MRTFA: variants seen among roughly 807,000 people sequenced by gnomAD.
MRTFA encodes myocardin-related transcription factor A.
A neutral mutation model predicts 83.5 loss-of-function variants in MRTFA; 20 were observed. The ratio of observed to expected loss-of-function variants is 0.24; its 90% CI spans 0.17 to 0.35. The LOEUF (loss-of-function observed/expected upper bound fraction) is 0.35, where lower values mean the gene tolerates loss of function less well. MRTFA is among the 10% of genes least tolerant of loss of function. The pLI is 1.00. For missense variants in MRTFA, 1,200 were observed against 1,224.7 expected, an observed-to-expected ratio of 0.98 and a Z score of 0.30; for synonymous variants, 659 against 541.2, an observed-to-expected ratio of 1.22 and a Z score of -3.02.
chr22:40,491,731 C>T (rs1309509745), intron 3 of MRTFA, among the ~76,000 whole-genome samples: 4 of 152,000 alleles, frequency 2.6e-5, no homozygotes, highest in Non-Finnish European at 5.9e-5. Flanking sequence ...GAGCTCTGCA[C>T]GGTGGGGAAA....
Position 40,421,089 on chromosome 22 carries a change from G to C in MRTFA, c.939C>G (p.Pro313=). The change falls in exon 10 of 15, where the codon CCC becomes CCG. Residue 313 remains proline, a synonymous_variant. Coordinates refer to ENST00000355630, the MANE Select transcript of MRTFA (RefSeq NM_020831.6). ...GCTGTGACTTCTCACTGGCAGACTT[G>C]GGTTGGCTTTGCTGAGGGCACAGGA... 1 of 1,533,526 alleles carries C rather than the reference G, an allele frequency of 6.5e-7. No homozygotes were observed. Among genetic ancestry groups the C allele is most frequent in the Non-Finnish European group, 8.8e-7 (1 of 1,138,450 alleles). The allele number at this position is 1,533,526 out of a possible 1,614,324, so 95.0% of individuals were successfully genotyped here.
intron 3 of MRTFA, among the ~76,000 whole-genome samples, chr22:40,506,765 T>C (rs1295246250): frequency 2.0e-5 from 3 of 152,198 alleles, no homozygotes; most frequent in Non-Finnish European, 2.9e-5. Flanking sequence ...TGACCCCCAT[T>C]TATCACCATT....
intron 2 of MRTFA, among the ~76,000 whole-genome samples, chr22:40,575,785 T>C (rs2147351691): frequency 6.6e-6 from 1 of 152,280 alleles, no homozygotes; most frequent in Admixed American, 6.5e-5. Context: ...GTTTTTTACT[T>C]TCAATAGCAA....
chr22:40,624,130 T>C (rs2147439931), intron 1 of MRTFA, among the ~76,000 whole-genome samples: 1 of 152,054 alleles, frequency 6.6e-6, no homozygotes, highest in East Asian at 1.9e-4. Context: ...AATTTAAAAA[T>C]TTAAAAAGAT....
At chr22:40,538,981 C>A (rs1024206533) in intron 3 of MRTFA, among the ~76,000 whole-genome samples, 1 of 146,430 alleles carries the variant, frequency 6.8e-6, no homozygotes, top group Admixed American at 6.9e-5. Context: ...GCAGGATACA[C>A]AGCCTTTTGT....
At chr22:40,513,618 A>G (rs1324641137) in intron 3 of MRTFA, among the ~76,000 whole-genome samples, 1 of 150,502 alleles carries the variant, frequency 6.6e-6, no homozygotes, top group African/African-American at 2.4e-5. Context: ...AAAAAAAAAA[A>G]GAAAAAGAAA....
chr22:40,614,902 T>C (rs1170204251), intron 1 of MRTFA, among the ~76,000 whole-genome samples: 6 of 152,334 alleles, frequency 3.9e-5, no homozygotes, highest in African/African-American at 9.6e-5. Context: ...TGGATATATA[T>C]AGCATGTGTA....
intron 1 of MRTFA, among the ~76,000 whole-genome samples, chr22:40,602,564 T>C (rs752159636): frequency 8.7e-5 from 13 of 150,280 alleles, no homozygotes; most frequent in Non-Finnish European, 1.8e-4. Context: ...GTTTAAAAAA[T>C]AGTTAAAGGC....
chr22:40,574,890 A>C (rs971877756), intron 2 of MRTFA, among the ~76,000 whole-genome samples: 10 of 152,178 alleles, frequency 6.6e-5, no homozygotes. Flanking sequence ...ATGAATACTG[A>C]TGAACGACTA....
intron 3 of MRTFA, among the ~76,000 whole-genome samples, chr22:40,539,103 T>C (rs2055242923): frequency 6.8e-6 from 1 of 147,758 alleles, no homozygotes; most frequent in Admixed American, 6.9e-5. Flanking sequence ...CAAGTGATTC[T>C]CATACCTCAG....
chr22:40,411,877 G>A lies in MRTFA; in HGVS notation c.2609C>T (p.Ser870Phe). ...GGATGGCTTCTCCTTCCCTGGCAGG[G>A]ATGGCGGCTCCTTGAAATCTGCTGA... The change falls in exon 15 of 15, where the codon TCC becomes TTC. Residue 870 changes from serine to phenylalanine, a missense_variant. Ser to Phe is a radical substitution (Grantham distance 155). Around this residue, in one of 2 missense-constraint regions of MRTFA, gnomAD observed 1,107 missense variants for 1,041.8 expected, o/e 1.06. Transcript: ENST00000355630. 1.3e-6 allele frequency: 2 copies of A among 1,484,376 alleles called. No homozygotes were observed. The highest frequency in any genetic ancestry group is 1.8e-6 in the Non-Finnish European group (2 of 1,115,846). 92.0% of individuals were successfully genotyped at this position (1,484,376 alleles called of 1,614,324 possible).
At chr22:40,582,424 G>A (rs534530172) in intron 2 of MRTFA, among the ~76,000 whole-genome samples, 1 of 152,184 alleles carries the variant, frequency 6.6e-6, no homozygotes, top group South Asian at 2.1e-4. Flanking sequence ...ATTCTCTTGA[G>A]TATATAACGA....
At chr22:40,627,142 T>A (rs573783258) in intron 1 of MRTFA, among the ~76,000 whole-genome samples, 1 of 152,206 alleles carries the variant, frequency 6.6e-6, no homozygotes, top group African/African-American at 2.4e-5. Flanking sequence ...ACAGTATGCC[T>A]TTATTTGGTA....
chr22:40,502,364 G>A (rs1489844988), intron 3 of MRTFA, among the ~76,000 whole-genome samples: 3 of 107,898 alleles, frequency 2.8e-5, no homozygotes, highest in East Asian at 3.1e-4. Context: ...GGGCAGAGAC[G>A]CTCCTCACCT....
intron 1 of MRTFA, among the ~76,000 whole-genome samples, chr22:40,607,023 T>G (rs957135783): frequency 1.3e-5 from 2 of 152,140 alleles, no homozygotes; most frequent in African/African-American, 4.8e-5. Flanking sequence ...TAAGATAGCA[T>G]ACATGAAAGC....
At chr22:40,432,703 C>G (rs899876592) in intron 5 of MRTFA, among the ~76,000 whole-genome samples, 7 of 150,518 alleles carry the variant, frequency 4.7e-5, no homozygotes, top group African/African-American at 1.7e-4. Context: ...AAAAAAAAGA[C>G]TTGTCCTCAC....
At chr22:40,521,438 A>G (rs2147259435) in intron 3 of MRTFA, among the ~76,000 whole-genome samples, 1 of 152,206 alleles carries the variant, frequency 6.6e-6, no homozygotes. Flanking sequence ...TATTTCTAAA[A>G]CGTTTAAAGT....
intron 4 of MRTFA, among the ~76,000 whole-genome samples, chr22:40,447,336 GAGTCTTTGTTTCAAAAAA>G (rs1384083675): frequency 6.6e-6 from 1 of 150,464 alleles, no homozygotes; most frequent in African/African-American, 2.5e-5. Context: ...CTAAGTAACA[GAGTCTTTGTTTCAAAAAA>G]AAAAAAGAAA....
intron 3 of MRTFA, among the ~76,000 whole-genome samples, chr22:40,521,456 T>G (rs1013338246): frequency 2.0e-5 from 3 of 152,130 alleles, no homozygotes; most frequent in African/African-American, 7.2e-5. Context: ...AGTTTGCCCC[T>G]TTTTAAAAGT....
Sources: gnomAD v4.1 joint callset for allele counts (sites outside exome capture counted in the v4.1 genomes callset) on GRCh38, gnomAD v4.1.1 for gene constraint, gnomAD v4.1.1 regional missense constraint, MANE v1.5 for transcripts, NCBI Gene and HGNC (gene_info 2026-07-23, HGNC 2026-07-21) for gene names.